Variants in GPC1 observed in about 807,000 individuals in gnomAD.
The protein encoded by GPC1 is glypican-1.
GPC1 carries 26 observed loss-of-function variants against 51.5 expected under a neutral mutation model. That is an observed-to-expected ratio of 0.50 (90% confidence interval 0.37 to 0.70). GPC1 has a LOEUF of 0.70. Ranked by LOEUF, GPC1 falls within the 30% of genes least tolerant of loss-of-function variation. The pLI is 0.00. For synonymous variants in GPC1, 380 were observed against 348.3 expected (o/e 1.09, Z -1.01); for missense variants, 775 against 800.5 (o/e 0.97, Z 0.38).
chr2:240,463,261 C>T, intron 3 of GPC1, 86 bp from the exon 4 acceptor site: 1 of 1,209,368 alleles, frequency 8.3e-7, no homozygotes, highest in Non-Finnish European at 1.2e-6. Context: ...CTCCAGAGCC[C>T]CCTACCCTGG....
At chr2:240,436,193 C>G in intron 1 of GPC1, 109 bp downstream of exon 1, 6 of 708,112 alleles carry the variant, frequency 8.5e-6, no homozygotes, top group Non-Finnish European at 1.2e-5. Flanking sequence ...CTGCCGCCTG[C>G]GCCCCGCCGC....
chr2:240,464,322 C>T, intron 4 of GPC1: 3 of 423,316 alleles, frequency 7.1e-6, no homozygotes, highest in Non-Finnish European at 1.3e-5. Flanking sequence ...CTGCATGAGC[C>T]AGCGTGGACA....
At chr2:240,454,148 C>A (rs2151792036) in intron 1 of GPC1, among the ~76,000 whole-genome samples, 1 of 152,232 alleles carries the variant, frequency 6.6e-6, no homozygotes, top group African/African-American at 2.4e-5. Flanking sequence ...ATGCCGTTGA[C>A]GAGGAGCTGA....
At chr2:240,438,061 G>T (rs574157908) in intron 1 of GPC1, among the ~76,000 whole-genome samples, 4 of 152,184 alleles carry the variant, frequency 2.6e-5, no homozygotes, top group Admixed American at 6.5e-5. Context: ...GTCTGATGGG[G>T]CAGGGGATGC....
rs2074069661 is a variant in GPC1 at position 240,448,670 on chromosome 2, C to T, written c.167-10360C>T. Among the ~76,000 whole-genome samples, 1 of 151,724 alleles carries T rather than the reference C, an allele frequency of 6.6e-6. No homozygotes were observed. The highest frequency in any genetic ancestry group is 2.4e-5 in the African/African-American group (1 of 41,264). On this transcript the variant is annotated intron_variant, in intron 1 of 8. Coordinates refer to ENST00000264039, the MANE Select transcript of GPC1 (RefSeq NM_002081.3). The surrounding 1 kb of genome is among the most constrained non-coding windows in gnomAD (Gnocchi z 4.5). ...CGATCAGGCAGGCACATGACAGGAC[C>T]ACCTGCTCAGAGTCTCCCTGGGCTG...
chr2:240,437,510 T>C (rs1375839857), intron 1 of GPC1, among the ~76,000 whole-genome samples: 1 of 152,100 alleles, frequency 6.6e-6, no homozygotes. Context: ...CAGGCCTTCC[T>C]GTGCCTCTGC....
intron 4 of GPC1, chr2:240,463,795 T>C (rs2074237156): frequency 6.1e-6 from 3 of 494,052 alleles, no homozygotes; most frequent in Non-Finnish European, 3.6e-6. Context: ...TGTGCATACA[T>C]GCCAACACGT....
intron 1 of GPC1, among the ~76,000 whole-genome samples, chr2:240,449,107 T>C (rs1014610028): frequency 1.3e-5 from 2 of 152,130 alleles, no homozygotes; most frequent in Non-Finnish European, 2.9e-5. Context: ...ATTGAGATAG[T>C]GCTGATTTCA....
At chr2:240,464,335 C>T (rs955189152) in intron 4 of GPC1, 9 of 450,988 alleles carry the variant, frequency 2.0e-5, no homozygotes, top group Non-Finnish European at 3.7e-5. Context: ...CGTGGACATA[C>T]GAGACACGGC....
intron 1 of GPC1, chr2:240,451,995 A>T (rs1205287138): frequency 2.0e-5 from 3 of 153,012 alleles, no homozygotes; most frequent in East Asian, 3.9e-4. Context: ...TGGTCTGTCC[A>T]GCAGCTCTCA....
chr2:240,459,311 G>A (rs2074197394), intron 2 of GPC1, 123 bp downstream of exon 2: 1 of 972,782 alleles, frequency 1.0e-6, no homozygotes. Context: ...AGGTGGGGGA[G>A]TTAGTGCTTT....
intron 1 of GPC1, among the ~76,000 whole-genome samples, chr2:240,438,553 C>T (rs150819126): frequency 1.2e-4 from 18 of 152,316 alleles, no homozygotes; most frequent in Admixed American, 6.5e-4. Flanking sequence ...AGGGGGACCT[C>T]CTCAGAGGGA....
chr2:240,461,594 G>A (rs1380403731), intron 2 of GPC1, among the ~76,000 whole-genome samples: 1 of 152,152 alleles, frequency 6.6e-6, no homozygotes, highest in Non-Finnish European at 1.5e-5. Flanking sequence ...GGCTGCAGGA[G>A]GCCCCCCAGA....
At chr2:240,445,190 GTGT>G (rs942851210) in intron 1 of GPC1, among the ~76,000 whole-genome samples, 1 of 152,186 alleles carries the variant, frequency 6.6e-6, no homozygotes, top group African/African-American at 2.4e-5. Flanking sequence ...AGGATGGTAG[GTGT>G]TAGAACAGGT....
chr2:240,463,650 G>C, intron 4 of GPC1, 138 bp downstream of exon 4: 1 of 697,088 alleles, frequency 1.4e-6, no homozygotes, highest in Non-Finnish European at 2.4e-6. Context: ...GGCCAGATCT[G>C]GGTGGTGCTG....
At chr2:240,461,359 AG>A (rs1294589947) in intron 2 of GPC1, among the ~76,000 whole-genome samples, 1 of 152,136 alleles carries the variant, frequency 6.6e-6, no homozygotes, top group African/African-American at 2.4e-5. Flanking sequence ...TGGGCCATCG[AG>A]CCCCCGGTAC....
At chr2:240,452,072 G>GT (rs1293511550) in intron 1 of GPC1, 5 of 153,478 alleles carry the variant, frequency 3.3e-5, no homozygotes, top group Non-Finnish European at 7.2e-5. Context: ...TGAGTGGGTG[G>GT]TTTTGTCTGG....
chr2:240,450,176 AGAAGCTC>A, intron 1 of GPC1: 1 of 335,358 alleles, frequency 3.0e-6, no homozygotes, highest in South Asian at 2.4e-5. Flanking sequence ...AGGGCTGGGC[AGAAGCTC>A]CAGCCCACAC....
At chr2:240,444,908 G>A (rs2074039661) in intron 1 of GPC1, among the ~76,000 whole-genome samples, 1 of 152,172 alleles carries the variant, frequency 6.6e-6, no homozygotes, top group African/African-American at 2.4e-5. Context: ...ACTGCAGGGA[G>A]AGCATCCCAC....
Sources: gnomAD v4.1 joint callset for allele counts (sites outside exome capture counted in the v4.1 genomes callset) on GRCh38, gnomAD v4.1.1 for gene constraint, Gnocchi (gnomAD v3.1) non-coding constraint, MANE v1.5 for transcripts, NCBI Gene and HGNC (gene_info 2026-07-23, HGNC 2026-07-21) for gene names.